CDH18: variants seen among roughly 807,000 people sequenced by gnomAD.
CDH18 encodes the protein cadherin 18, also known as cadherin-18.
Under a neutral mutation model 67.9 loss-of-function variants are expected in CDH18, and 31 were observed. That is an observed-to-expected ratio of 0.46 (90% CI 0.34 to 0.62). CDH18 has a LOEUF of 0.62. Among genes scored for constraint, CDH18 ranks in the 20% least tolerant of loss-of-function variants. The pLI is 0.01. For missense variants in CDH18, 890 were observed against 975.5 expected, an observed-to-expected ratio of 0.91 and a Z score of 1.17; for synonymous variants, 362 against 347.2, an observed-to-expected ratio of 1.04 and a Z score of -0.48.
At chr5:19,528,839 A>G (rs1748150122) in intron 9 of CDH18, among the ~76,000 whole-genome samples, 1 of 151,934 alleles carries the variant, frequency 6.6e-6, no homozygotes, top group Non-Finnish European at 1.5e-5. Flanking sequence ...CTCTTTTATG[A>G]AGTCTTGGGA....
At chr5:20,373,450 T>C (rs1401363622) in intron 1 of CDH18, among the ~76,000 whole-genome samples, 1 of 152,124 alleles carries the variant, frequency 6.6e-6, no homozygotes, top group Non-Finnish European at 1.5e-5. Flanking sequence ...TTGGATGACT[T>C]ATACCTGTTT....
At chr5:20,106,035 A>G (rs1746909094) in intron 2 of CDH18, among the ~76,000 whole-genome samples, 2 of 151,952 alleles carry the variant, frequency 1.3e-5, no homozygotes, top group Non-Finnish European at 2.9e-5. Context: ...GTGTGTGTGT[A>G]GAAGGCTGAC....
chr5:19,553,612 T>G (rs529813144), intron 8 of CDH18, among the ~76,000 whole-genome samples: 43 of 150,104 alleles, frequency 2.9e-4, no homozygotes, highest in South Asian at 1.5e-3. Context: ...CTGTGAGATA[T>G]TACCACAACT....
At chr5:19,558,575 C>T (rs1738870885) in intron 8 of CDH18, among the ~76,000 whole-genome samples, 2 of 151,822 alleles carry the variant, frequency 1.3e-5, no homozygotes, top group Non-Finnish European at 2.9e-5. Context: ...AAATATACAA[C>T]CCTCCTAGAT....
At chr5:19,898,565 T>C (rs1472142126) in intron 2 of CDH18, among the ~76,000 whole-genome samples, 2 of 151,998 alleles carry the variant, frequency 1.3e-5, no homozygotes, top group African/African-American at 2.4e-5. Flanking sequence ...GGTATGTCCA[T>C]GTAAAGGAAT....
At chr5:20,433,767 G>T (rs865930465) in intron 1 of CDH18, among the ~76,000 whole-genome samples, 3 of 151,972 alleles carry the variant, frequency 2.0e-5, no homozygotes, top group Non-Finnish European at 2.9e-5. Context: ...AGAATTTAAA[G>T]TATACAGCAG....
chr5:19,627,492 G>T (rs981543240), intron 5 of CDH18, among the ~76,000 whole-genome samples: 1 of 152,124 alleles, frequency 6.6e-6, no homozygotes, highest in African/African-American at 2.4e-5. Flanking sequence ...TCAACAGATT[G>T]CAACAACTGA....
intron 2 of CDH18, among the ~76,000 whole-genome samples, chr5:19,843,651 T>C (rs1293506098): frequency 6.6e-6 from 1 of 152,210 alleles, no homozygotes; most frequent in Non-Finnish European, 1.5e-5. Context: ...ACCAGAATTG[T>C]AGATCCACCA....
chr5:20,293,713 CA>C, intron 1 of CDH18, among the ~76,000 whole-genome samples: 1 of 152,130 alleles, frequency 6.6e-6, no homozygotes, highest in Non-Finnish European at 1.5e-5. Context: ...AATGGTAAAA[CA>C]GTATTACTTT....
chr5:19,612,375 C>A, intron 6 of CDH18, 59 bp downstream of exon 6: 3 of 1,529,664 alleles, frequency 2.0e-6, no homozygotes, highest in South Asian at 1.1e-5. Flanking sequence ...TCAAGTATTT[C>A]ATTTTACTTT....
intron 2 of CDH18, among the ~76,000 whole-genome samples, chr5:20,177,554 T>A (rs1015618244): frequency 6.6e-6 from 1 of 151,850 alleles, no homozygotes; most frequent in Non-Finnish European, 1.5e-5. Context: ...CCACAGGGAG[T>A]CTGGACATTT....
At chr5:19,498,784 C>T (rs1036437184) in intron 11 of CDH18, among the ~76,000 whole-genome samples, 24 of 152,192 alleles carry the variant, frequency 1.6e-4, no homozygotes, top group African/African-American at 5.5e-4. Context: ...TTCCTCATAT[C>T]TTAGGGCCTT....
At chr5:19,549,424 ATTAACCTCTTTTCTTT>A (rs1397122721) in intron 8 of CDH18, among the ~76,000 whole-genome samples, 6 of 152,190 alleles carry the variant, frequency 3.9e-5, no homozygotes, top group Non-Finnish European at 5.9e-5. Flanking sequence ...TCATGAGCCA[ATTAACCTCTTTTCTTT>A]ATAAATGACC....
chr5:19,504,372 A>T (rs1202880773), intron 10 of CDH18, among the ~76,000 whole-genome samples: 1 of 151,922 alleles, frequency 6.6e-6, no homozygotes, highest in Non-Finnish European at 1.5e-5. Context: ...ATAAGTCTCT[A>T]TCCTTCTTGA....
At chr5:19,664,426 A>G (rs1364609805) in intron 5 of CDH18, among the ~76,000 whole-genome samples, 2 of 152,118 alleles carry the variant, frequency 1.3e-5, no homozygotes, top group East Asian at 3.9e-4. Flanking sequence ...AAATATGTAT[A>G]TTAAGCAAAA....
intron 1 of CDH18, among the ~76,000 whole-genome samples, chr5:20,336,724 C>CAAAAAAAGAAAAAAAAAA (rs1739795666): frequency 1.6e-5 from 1 of 63,472 alleles, no homozygotes; most frequent in Non-Finnish European, 2.8e-5. Flanking sequence ...GCCTCTGTCT[C>CAAAAAAAGAAAAAAAAAA]AAAAAAAAAA....
chr5:20,448,060 A>G (rs1429894447), intron 1 of CDH18, among the ~76,000 whole-genome samples: 1 of 146,920 alleles, frequency 6.8e-6, no homozygotes, highest in Non-Finnish European at 1.5e-5. Flanking sequence ...CTCTCCCCCC[A>G]CCCCACAACA....
intron 2 of CDH18, among the ~76,000 whole-genome samples, chr5:20,129,742 A>C (rs1263748525): frequency 6.6e-6 from 1 of 152,088 alleles, no homozygotes; most frequent in African/African-American, 2.4e-5. Context: ...TAAAGCAAAC[A>C]AGCAATCACC....
chr5:20,360,138 C>G (rs1335456974), intron 1 of CDH18, among the ~76,000 whole-genome samples: 1 of 81,440 alleles, frequency 1.2e-5, no homozygotes, highest in East Asian at 3.1e-4. Context: ...ATATATAATT[C>G]TATAATATAT....
Sources: allele counts gnomAD v4.1 joint callset (sites outside exome capture counted in the v4.1 genomes callset), GRCh38; gene constraint gnomAD v4.1.1; transcripts MANE v1.5; gene names NCBI Gene and HGNC (gene_info 2026-07-23, HGNC 2026-07-21).